The following TBC1D1 variants were observed in gnomAD, a reference collection of about 807,000 sequenced individuals.
The protein encoded by TBC1D1 is TBC1 (tre-2/USP6, BUB2, cdc16) domain family, member 1.
A neutral mutation model predicts 125.6 loss-of-function variants in TBC1D1; 89 were observed. The observed-to-expected ratio is 0.71, with a 90% CI of 0.60 to 0.85. The LOEUF (loss-of-function observed/expected upper bound fraction) is 0.85, where lower values mean the gene tolerates loss of function less well. Ranked by LOEUF, TBC1D1 falls within the 40% of genes least tolerant of loss-of-function variation. The probability of loss-of-function intolerance (pLI) is 0.00; values close to 1 mark genes in which losing one functional copy is unlikely to be tolerated. For synonymous variants in TBC1D1, 565 were observed against 564.1 expected (o/e 1.00, Z -0.02); for missense variants, 1,377 against 1,469.2 (o/e 0.94, Z 1.03).
intron 17 of TBC1D1, among the ~76,000 whole-genome samples, chr4:38,119,417 C>A (rs1423127757): frequency 6.6e-6 from 1 of 151,734 alleles, no homozygotes; most frequent in African/African-American, 2.4e-5. Context: ...TCTTTTCTGT[C>A]CCTGAAAAAA....
intron 2 of TBC1D1, among the ~76,000 whole-genome samples, chr4:37,996,726 G>A (rs1409739306): frequency 6.6e-6 from 1 of 152,322 alleles, no homozygotes; most frequent in East Asian, 1.9e-4. Context: ...TAATTTTTCT[G>A]TTCATTTGGA....
intron 2 of TBC1D1, among the ~76,000 whole-genome samples, chr4:37,956,630 C>G (rs1030109958): frequency 6.6e-6 from 1 of 152,166 alleles, no homozygotes; most frequent in South Asian, 2.1e-4. Flanking sequence ...GGGACGCCAA[C>G]TAATGTTAGT....
At chr4:38,097,730 G>A (rs183828298) in intron 14 of TBC1D1, among the ~76,000 whole-genome samples, 1 of 152,096 alleles carries the variant, frequency 6.6e-6, no homozygotes, top group East Asian at 1.9e-4. Context: ...TGCCTGCCTC[G>A]GCCTCCCAAA....
At chr4:38,005,697 CA>C (rs1740008703) in intron 2 of TBC1D1, among the ~76,000 whole-genome samples, 2 of 152,242 alleles carry the variant, frequency 1.3e-5, no homozygotes, top group Admixed American at 1.3e-4. Context: ...GGCTAAAACC[CA>C]AAAAATTCCT....
intron 15 of TBC1D1, chr4:38,110,495 C>G (rs1407546003): frequency 1.0e-6 from 1 of 985,236 alleles, no homozygotes; most frequent in East Asian, 1.1e-4. Context: ...TTGTGGAGCA[C>G]TTCATGAAGA....
chr4:37,983,012 A>G (rs1365314522), intron 2 of TBC1D1, among the ~76,000 whole-genome samples: 1 of 152,066 alleles, frequency 6.6e-6, no homozygotes, highest in African/African-American at 2.4e-5. Flanking sequence ...TGGGGGGAGT[A>G]GCAGAGGCGA....
intron 12 of TBC1D1, among the ~76,000 whole-genome samples, chr4:38,066,264 A>AC (rs1753708282): frequency 7.8e-6 from 1 of 128,402 alleles, no homozygotes; most frequent in South Asian, 2.5e-4. Context: ...ATTATTAGCA[A>AC]CTTTTTTTTT....
intron 13 of TBC1D1, among the ~76,000 whole-genome samples, 197 bp downstream of exon 15, chr4:38,090,314 C>T (rs1758217014): frequency 1.3e-5 from 2 of 152,194 alleles, no homozygotes; most frequent in African/African-American, 4.8e-5. Context: ...GTTTCACCAA[C>T]AATATTCATT....
At chr4:38,119,767 G>A (rs555440360) in intron 17 of TBC1D1, among the ~76,000 whole-genome samples, 23 of 152,290 alleles carry the variant, frequency 1.5e-4, no homozygotes, top group African/African-American at 4.8e-4. Flanking sequence ...TGGGGAGGAG[G>A]GAGCGCTGTT....
intron 2 of TBC1D1, among the ~76,000 whole-genome samples, chr4:37,936,344 G>C (rs975673566): frequency 5.9e-5 from 9 of 152,140 alleles, no homozygotes; most frequent in Non-Finnish European, 1.3e-4. Flanking sequence ...ATATCCTATT[G>C]TACAGTACTG....
At chr4:38,093,520 C>T (rs59794282) in intron 13 of TBC1D1, among the ~76,000 whole-genome samples, 11,429 of 112,766 alleles carry the variant, frequency 0.1, 980 homozygotes, top group African/African-American at 0.25. Flanking sequence ...AGGCCGTTTT[C>T]CCCCCCCTTT....
rs1360818340 is a variant in TBC1D1, at chr4:37,960,717, G to A, written c.418-53792G>A. On this transcript the variant is annotated intron_variant, in intron 2 of 19. Coordinates refer to ENST00000261439, the MANE Select transcript of TBC1D1 (RefSeq NM_015173.4). ...AAGCTTTTCTGCCAAAAAGATGACC[G>A]AGAAGACTGTTAAAACAAAAAGTTC... The A allele has an allele frequency of 1.7e-5, 28 of 1,614,050 alleles. No homozygotes were observed. Among genetic ancestry groups the A allele is most frequent in the South Asian group, 2.2e-5 (2 of 91,086 alleles).
intron 11 of TBC1D1, among the ~76,000 whole-genome samples, chr4:38,052,726 G>GCGCGCA (rs1553926665): frequency 1.4e-5 from 1 of 68,996 alleles, no homozygotes; most frequent in Non-Finnish European, 2.9e-5. Flanking sequence ...GCGCGCGCGC[G>GCGCGCA]CGCACACACA....
chr4:38,001,726 C>G (rs575745947), intron 2 of TBC1D1, among the ~76,000 whole-genome samples: 1 of 152,316 alleles, frequency 6.6e-6, no homozygotes, highest in East Asian at 1.9e-4. Context: ...GCTCTTGTGT[C>G]AAGACCAAAT....
intron 2 of TBC1D1, among the ~76,000 whole-genome samples, chr4:37,957,555 G>A (rs762170840): frequency 6.6e-6 from 1 of 152,122 alleles, no homozygotes; most frequent in African/African-American, 2.4e-5. Context: ...AGAGTTCGAG[G>A]CTACAGTGAG....
chr4:38,089,781 T>TTA (rs1485933615), intron 12 of TBC1D1, 151 bp from the exon 15 acceptor site: 1 of 755,880 alleles, frequency 1.3e-6, no homozygotes. Flanking sequence ...CAGACGTGGC[T>TTA]TATGCCAATG....
chr4:38,038,619 C>T (rs1037121777), intron 8 of TBC1D1, among the ~76,000 whole-genome samples: 7 of 152,180 alleles, frequency 4.6e-5, no homozygotes, highest in African/African-American at 1.7e-4. Context: ...ACTGCTGCTA[C>T]ATTCAGGTAG....
chr4:38,016,950 G>A (rs1014283080), intron 3 of TBC1D1, among the ~76,000 whole-genome samples: 5 of 152,196 alleles, frequency 3.3e-5, no homozygotes, highest in African/African-American at 7.2e-5. Context: ...TGAAGCTGTT[G>A]TAGTAGTCCA....
chr4:38,077,922 G>A (rs1384716140), intron 12 of TBC1D1, among the ~76,000 whole-genome samples: 1 of 152,106 alleles, frequency 6.6e-6, no homozygotes, highest in Non-Finnish European at 1.5e-5. Flanking sequence ...CCTGCGATGG[G>A]GTAGGTCAGG....
Sources: gnomAD v4.1 joint callset for allele counts (sites outside exome capture counted in the v4.1 genomes callset) on GRCh38, gnomAD v4.1.1 for gene constraint, MANE v1.5 for transcripts, NCBI Gene and HGNC (gene_info 2026-07-23, HGNC 2026-07-21) for gene names.